FNBP1L: variants seen among roughly 807,000 people sequenced by gnomAD.
The protein encoded by FNBP1L is formin binding protein 1 like, also known as formin-binding protein 1-like.
FNBP1L carries 36 observed loss-of-function variants against 91.2 expected under a neutral mutation model. The observed-to-expected ratio is 0.39, with a 90% CI of 0.30 to 0.52. FNBP1L has a LOEUF of 0.52. Ranked by LOEUF, FNBP1L falls within the 20% of genes least tolerant of loss-of-function variation. The pLI, the probability that FNBP1L is intolerant of heterozygous loss-of-function variation, is 0.66. For synonymous variants in FNBP1L, 242 were observed against 237.0 expected, an observed-to-expected ratio of 1.02 and a Z score of -0.19; for missense variants, 571 against 732.1, an observed-to-expected ratio of 0.78 and a Z score of 2.54.
At chr1:93,509,923 C>A (rs1670762742) in intron 2 of FNBP1L, among the ~76,000 whole-genome samples, 1 of 152,244 alleles carries the variant, frequency 6.6e-6, no homozygotes, top group Non-Finnish European at 1.5e-5. Flanking sequence ...AAATGGCGCA[C>A]CAGGAGATTA....
At chr1:93,500,622 TTACTAA>T (rs2101726153) in intron 2 of FNBP1L, among the ~76,000 whole-genome samples, 1 of 152,288 alleles carries the variant, frequency 6.6e-6, no homozygotes, top group South Asian at 2.1e-4. Context: ...CCTAAACAAT[TTACTAA>T]TACTGACTTA....
chr1:93,481,986 C>G (rs1333627008), intron 1 of FNBP1L, among the ~76,000 whole-genome samples: 3 of 151,976 alleles, frequency 2.0e-5, no homozygotes, highest in Non-Finnish European at 4.4e-5. Flanking sequence ...ATGGCGAAAC[C>G]CCATCTCCAC....
Position 93,530,751 on chromosome 1 carries a change from CT to C in FNBP1L, c.511-3del. The C allele has an allele frequency of 6.9e-6, 11 of 1,595,418 alleles. No individual in the cohort carries two copies. Among genetic ancestry groups the C allele is most frequent in the Non-Finnish European group, 8.5e-6 (10 of 1,170,998 alleles). ...GATAATAATTTCGACCATTTTGCCC[CT>C]AGGCCAAACAGCAGTTGAATCTGCG... is the stretch of plus-strand genomic sequence containing the variant. On this transcript the variant is annotated splice_region_variant and splice_polypyrimidine_tract_variant and intron_variant, in intron 6 of 16. Coordinates refer to ENST00000271234, the MANE Select transcript of FNBP1L (RefSeq NM_001164473.3).
intron 1 of FNBP1L, among the ~76,000 whole-genome samples, chr1:93,479,991 C>A (rs1189270326): frequency 6.6e-6 from 1 of 152,134 alleles, no homozygotes; most frequent in Non-Finnish European, 1.5e-5. Context: ...TCCAGGAAAT[C>A]TTCACAATTT....
At chr1:93,514,950 G>A (rs926071382) in intron 2 of FNBP1L, among the ~76,000 whole-genome samples, 20 of 152,166 alleles carry the variant, frequency 1.3e-4, no homozygotes, top group African/African-American at 4.8e-4. Flanking sequence ...CTTCTGCACA[G>A]CAAAAGAAAC....
At chr1:93,547,512 C>T (rs911068699) in intron 14 of FNBP1L, 71 bp downstream of exon 14, 3 of 1,301,570 alleles carry the variant, frequency 2.3e-6, no homozygotes, top group African/African-American at 3.0e-5. Flanking sequence ...AAACTTTATA[C>T]AATTCGTTTT....
intron 1 of FNBP1L, among the ~76,000 whole-genome samples, chr1:93,497,365 CAT>C (rs1444477795): frequency 6.6e-6 from 1 of 152,138 alleles, no homozygotes; most frequent in Non-Finnish European, 1.5e-5. Flanking sequence ...CAAATTTTAA[CAT>C]AAACCTTTGC....
At chr1:93,518,092 A>G (rs1212363226) in intron 2 of FNBP1L, among the ~76,000 whole-genome samples, 1 of 152,204 alleles carries the variant, frequency 6.6e-6, no homozygotes, top group Non-Finnish European at 1.5e-5. Flanking sequence ...GTCTTTACAA[A>G]TGTTTACCCT....
chr1:93,459,685 T>C (rs1002822217), intron 1 of FNBP1L, among the ~76,000 whole-genome samples: 2 of 152,182 alleles, frequency 1.3e-5, no homozygotes, highest in Non-Finnish European at 2.9e-5. Context: ...AAATTAAAAA[T>C]AGAATTGCCA....
intron 1 of FNBP1L, among the ~76,000 whole-genome samples, chr1:93,457,087 C>T (rs934154531): frequency 6.6e-6 from 1 of 152,008 alleles, no homozygotes; most frequent in African/African-American, 2.4e-5. Context: ...AGCGTTTAGC[C>T]ATATTGCCCA....
At chr1:93,529,589 A>T (rs1337455636) in intron 5 of FNBP1L, 63 bp from the exon 6 acceptor site, 1 of 1,024,004 alleles carries the variant, frequency 9.8e-7, no homozygotes, top group Non-Finnish European at 1.4e-6. Flanking sequence ...CTCTAAAGTT[A>T]TTTCTTAAAT....
At chr1:93,451,600 C>T (rs548581081) in intron 1 of FNBP1L, among the ~76,000 whole-genome samples, 47 of 152,068 alleles carry the variant, frequency 3.1e-4, no homozygotes, top group African/African-American at 1.1e-3. Flanking sequence ...ATCTTTGGCC[C>T]TTAGTTTAAG....
At chr1:93,519,602 G>C (rs1302933875) in intron 2 of FNBP1L, among the ~76,000 whole-genome samples, 22 of 152,142 alleles carry the variant, frequency 1.4e-4, no homozygotes, top group Admixed American at 1.4e-3. Flanking sequence ...GCATATGACT[G>C]CACAGTTTGT....
rs775636541 is a variant in FNBP1L at position 93,552,421 on chromosome 1, G to C, written c.*5G>C. ...TCCTGGACTGCAGGTTCCTGAAGAG[G>C]GTTTCTGAGGAAATGGGCAAGATGT... is the stretch of plus-strand genomic sequence containing the variant. On this transcript the variant is annotated 3_prime_UTR_variant, in exon 17 of 17. Coordinates refer to ENST00000271234, the MANE Select transcript of FNBP1L (RefSeq NM_001164473.3). The C allele has an allele frequency of 1.9e-6, 3 of 1,612,294 alleles. No individual in the cohort carries two copies. Among genetic ancestry groups the C allele is most frequent in the African/African-American group, 1.3e-5 (1 of 74,784 alleles).
At chr1:93,500,795 G>T (rs1192091026) in intron 2 of FNBP1L, among the ~76,000 whole-genome samples, 3 of 152,202 alleles carry the variant, frequency 2.0e-5, no homozygotes, top group Admixed American at 6.5e-5. Context: ...GTAATAAAAA[G>T]CTTGCTTATA....
At chr1:93,452,253 C>T (rs552590170) in intron 1 of FNBP1L, among the ~76,000 whole-genome samples, 2 of 152,186 alleles carry the variant, frequency 1.3e-5, no homozygotes, top group African/African-American at 4.8e-5. Context: ...ATTGCATTAC[C>T]CAGAGTATTG....
intron 1 of FNBP1L, among the ~76,000 whole-genome samples, chr1:93,491,385 C>CT (rs1013207163): frequency 7.7e-4 from 113 of 145,952 alleles, no homozygotes; most frequent in Non-Finnish European, 1.3e-3. Flanking sequence ...GGCTGAATGA[C>CT]TTTTTTTTTT....
chr1:93,511,839 G>C (rs1212659891), intron 2 of FNBP1L, among the ~76,000 whole-genome samples: 2 of 150,644 alleles, frequency 1.3e-5, no homozygotes, highest in East Asian at 3.9e-4. Context: ...AGTGGCGGGC[G>C]CCTGTAGTCC....
chr1:93,483,257 T>C (rs1003454352), intron 1 of FNBP1L, among the ~76,000 whole-genome samples: 1 of 151,626 alleles, frequency 6.6e-6, no homozygotes, highest in Non-Finnish European at 1.5e-5. Context: ...ACAGGCAAGT[T>C]TTCGATGTTG....
Sources: gnomAD v4.1 joint callset for allele counts (sites outside exome capture counted in the v4.1 genomes callset) on GRCh38, gnomAD v4.1.1 for gene constraint, MANE v1.5 for transcripts, NCBI Gene and HGNC (gene_info 2026-07-23, HGNC 2026-07-21) for gene names.